Variants in MTHFD1L observed in about 807,000 individuals in gnomAD.
MTHFD1L encodes the protein monofunctional C1-tetrahydrofolate synthase, mitochondrial.
In MTHFD1L, 81 loss-of-function variants were observed where a neutral mutation model predicts 119.5. The ratio of observed to expected loss-of-function variants is 0.68; its 90% confidence interval spans 0.57 to 0.82. The LOEUF is 0.82. MTHFD1L is among the 40% of genes least tolerant of loss of function. The probability of loss-of-function intolerance (pLI) is 0.00; values close to 1 mark genes in which losing one functional copy is unlikely to be tolerated. For synonymous variants in MTHFD1L, 430 were observed against 475.2 expected (o/e 0.90, Z 1.24); for missense variants, 1,125 against 1,253.4 (o/e 0.90, Z 1.55).
At position 151,039,702 on chromosome 6, in the gene MTHFD1L, G is replaced by A. The variant is rs1226274505; in HGVS notation, c.2847+2585G>A. 6.6e-6 allele frequency among the ~76,000 whole-genome samples: 1 copy of A among 152,144 alleles called. No homozygotes were observed. The highest frequency in any genetic ancestry group is 2.4e-5 in the African/African-American group (1 of 41,432). On this transcript the variant is annotated intron_variant, in intron 26 of 27. Transcript: ENST00000367321. The surrounding 1 kb of genome is among the most constrained non-coding windows in gnomAD (Gnocchi z 4.4). Reference sequence around the variant, plus strand: ...GAGGCCGAGGCGGGCGGATCACAAGGTCAGGAGTTCGAGACCTGCCTGGCC... The same window carrying A: ...GAGGCCGAGGCGGGCGGATCACAAGATCAGGAGTTCGAGACCTGCCTGGCC...
chr6:151,017,038 G>C (rs1021946979), intron 24 of MTHFD1L, among the ~76,000 whole-genome samples: 1 of 151,574 alleles, frequency 6.6e-6, no homozygotes, highest in Non-Finnish European at 1.5e-5. Context: ...GCCTCCCAGA[G>C]TGCTAGGGTT....
intron 26 of MTHFD1L, among the ~76,000 whole-genome samples, chr6:151,083,615 C>A (rs759922535): frequency 1.3e-5 from 2 of 152,126 alleles, no homozygotes; most frequent in Admixed American, 6.5e-5. Context: ...CATTGTTTCA[C>A]AATTGTCTGT....
chr6:150,901,524 G>A (rs780246713), intron 7 of MTHFD1L, among the ~76,000 whole-genome samples: 5 of 152,100 alleles, frequency 3.3e-5, no homozygotes, highest in African/African-American at 7.2e-5. Context: ...AGAATCTGCC[G>A]TGGAGCATAA....
chr6:150,996,524 A>T (rs116810327), intron 20 of MTHFD1L, among the ~76,000 whole-genome samples: 10 of 152,052 alleles, frequency 6.6e-5, no homozygotes, highest in South Asian at 4.1e-4. Context: ...TTAGCCTTCA[A>T]TGTTAATTTC....
At chr6:150,928,329 A>T (rs1463479730) in intron 11 of MTHFD1L, among the ~76,000 whole-genome samples, 1 of 149,292 alleles carries the variant, frequency 6.7e-6, no homozygotes, top group African/African-American at 2.5e-5. Flanking sequence ...CCAGCTACTC[A>T]GGAGGCTGAG....
At chr6:150,931,096 G>A (rs973787061) in intron 11 of MTHFD1L, among the ~76,000 whole-genome samples, 1 of 152,172 alleles carries the variant, frequency 6.6e-6, no homozygotes, top group Non-Finnish European at 1.5e-5. Context: ...GAGTGCAGCT[G>A]CAGGGCATTT....
chr6:151,029,517 C>T (rs965539438), intron 24 of MTHFD1L, among the ~76,000 whole-genome samples: 4 of 151,702 alleles, frequency 2.6e-5, no homozygotes, highest in Admixed American at 1.3e-4. Context: ...ACAAATCAGG[C>T]CAGGCACAGT....
chr6:151,074,032 G>A (rs750948804), intron 26 of MTHFD1L, among the ~76,000 whole-genome samples: 3 of 152,194 alleles, frequency 2.0e-5, no homozygotes, highest in Non-Finnish European at 4.4e-5. Flanking sequence ...AGATAAATTG[G>A]CTGATGATTT....
intron 24 of MTHFD1L, among the ~76,000 whole-genome samples, chr6:151,020,804 AT>A (rs1783840747): frequency 6.6e-6 from 1 of 152,158 alleles, no homozygotes; most frequent in South Asian, 2.1e-4. Flanking sequence ...TTATATCTTT[AT>A]CGTTCACTAA....
chr6:150,987,129 A>G (rs552872215), intron 20 of MTHFD1L, among the ~76,000 whole-genome samples: 6 of 152,346 alleles, frequency 3.9e-5, no homozygotes, highest in African/African-American at 1.4e-4. Flanking sequence ...TTTTGCAAAA[A>G]TAATATAGTA....
chr6:150,931,688 G>A (rs1412868102), intron 11 of MTHFD1L, among the ~76,000 whole-genome samples: 1 of 152,198 alleles, frequency 6.6e-6, no homozygotes, highest in Non-Finnish European at 1.5e-5. Context: ...TGGCAGTGGT[G>A]CTATTCAACA....
chr6:151,092,640 C>G, intron 27 of MTHFD1L, 53 bp downstream of exon 27: 1 of 1,128,860 alleles, frequency 8.9e-7, no homozygotes, highest in Non-Finnish European at 1.3e-6. Flanking sequence ...CAGTTCATAT[C>G]CTTTTTTTGT....
At chr6:150,928,462 C>G (rs550508656) in intron 11 of MTHFD1L, among the ~76,000 whole-genome samples, 11 of 149,988 alleles carry the variant, frequency 7.3e-5, no homozygotes, top group African/African-American at 2.2e-4. Flanking sequence ...AAAAAATCAC[C>G]TCTTTAATGA....
chr6:151,054,061 T>G (rs540230757), intron 26 of MTHFD1L, among the ~76,000 whole-genome samples: 4 of 152,134 alleles, frequency 2.6e-5, no homozygotes, highest in Non-Finnish European at 5.9e-5. Context: ...TATTTTGAGA[T>G]GGAAACATTT....
rs1554273889 is a variant in MTHFD1L, at chr6:150,994,077, A to AGGAAGGAAGGAAGG, written c.2126-15742_2126-15741insGGAAGGAAGGAAGG. On this transcript the variant is annotated intron_variant, in intron 20 of 27. Coordinates refer to ENST00000367321, the MANE Select transcript of MTHFD1L (RefSeq NM_015440.5). ...TAACAACAACAGTAAAAAAAAAAAA[A>AGGAAGGAAGGAAGG]AAAGAAAGAAAGAAAGAAAGTGACC... Among the ~76,000 whole-genome samples, 13 of 105,300 alleles carry AGGAAGGAAGGAAGG rather than the reference A, an allele frequency of 1.2e-4. 1 individual carries two copies. Among genetic ancestry groups the AGGAAGGAAGGAAGG allele is most frequent in the African/African-American group, 4.8e-4 (13 of 27,060 alleles). 69.1% of individuals were successfully genotyped at this position (105,300 alleles called of 152,430 possible).
At chr6:150,867,222 C>T (rs1249333583) in intron 1 of MTHFD1L, among the ~76,000 whole-genome samples, 3 of 152,176 alleles carry the variant, frequency 2.0e-5, no homozygotes, top group African/African-American at 7.2e-5. Flanking sequence ...AATGGAGTCT[C>T]GCTTTGTTGC....
chr6:151,034,585 T>G lies in MTHFD1L; in HGVS notation c.2679T>G (p.Asp893Glu). The G allele has an allele frequency of 6.2e-7, 1 of 1,608,806 alleles. No individual in the cohort carries two copies. Among genetic ancestry groups the G allele is most frequent in the Non-Finnish European group, 8.5e-7 (1 of 1,176,990 alleles). ...ELSPEAQAKI[D>E]RYTQQGFGNL... is the part of the protein sequence containing the mutation. ...CTCCTGAGGCACAAGCCAAAATAGA[T>G]CGTTACACTCAACAGGTAAAAGTTC... Residue 893 changes from aspartate to glutamate, a missense_variant, in exon 25 of 28, where the codon GAT becomes GAG. By Grantham distance (45) the Asp-to-Glu change is conservative. Transcript: ENST00000367321.
intron 13 of MTHFD1L, chr6:150,939,220 TAG>T: frequency 6.1e-6 from 1 of 163,988 alleles, no homozygotes; most frequent in Non-Finnish European, 1.3e-5. Flanking sequence ...ATTCAGGCTC[TAG>T]TGCGTGCCTC....
chr6:151,071,011 G>A (rs1422463178), intron 26 of MTHFD1L, among the ~76,000 whole-genome samples: 3 of 152,162 alleles, frequency 2.0e-5, no homozygotes, highest in Non-Finnish European at 2.9e-5. Flanking sequence ...CAGCCAGTCC[G>A]TTTATTTAGA....
Sources: allele counts gnomAD v4.1 joint callset (sites outside exome capture counted in the v4.1 genomes callset), GRCh38; gene constraint gnomAD v4.1.1; non-coding constraint Gnocchi (gnomAD v3.1); transcripts MANE v1.5; gene names NCBI Gene and HGNC (gene_info 2026-07-23, HGNC 2026-07-21).